The following ST6GALNAC3 variants were observed in gnomAD, a reference collection of about 807,000 sequenced individuals.
ST6GALNAC3 encodes the protein ST6 N-acetylgalactosaminide alpha-2,6-sialyltransferase 3, also known as alpha-N-acetylgalactosaminide alpha-2,6-sialyltransferase 3.
ST6GALNAC3 carries 25 observed loss-of-function variants against 32.7 expected under a neutral mutation model. The ratio of observed to expected loss-of-function variants is 0.76; its 90% CI spans 0.56 to 1.07. ST6GALNAC3 has a LOEUF of 1.07. ST6GALNAC3 is among the 50% of genes least tolerant of loss of function. ST6GALNAC3 has a pLI of 0.00. For missense variants in ST6GALNAC3, 355 were observed against 382.4 expected (o/e 0.93, Z 0.60); for synonymous variants, 129 against 133.1 (o/e 0.97, Z 0.21).
At chr1:76,166,571 A>C (rs1422292173) in intron 1 of ST6GALNAC3, among the ~76,000 whole-genome samples, 1 of 152,192 alleles carries the variant, frequency 6.6e-6, no homozygotes, top group African/African-American at 2.4e-5. Flanking sequence ...ATAGCATTGA[A>C]TCTATAAAAT....
chr1:76,435,154 GTTTC>G (rs1310267208), intron 3 of ST6GALNAC3, among the ~76,000 whole-genome samples: 1 of 151,868 alleles, frequency 6.6e-6, no homozygotes, highest in African/African-American at 2.4e-5. Context: ...CAACATCTGA[GTTTC>G]TTTATCTATA....
chr1:76,448,144 A>G (rs926453373), intron 3 of ST6GALNAC3, among the ~76,000 whole-genome samples: 1 of 152,204 alleles, frequency 6.6e-6, no homozygotes, highest in Non-Finnish European at 1.5e-5. Context: ...CACCTCTTGC[A>G]TCAGCGTGAC....
intron 3 of ST6GALNAC3, among the ~76,000 whole-genome samples, chr1:76,590,647 A>G (rs1183589162): frequency 1.3e-5 from 2 of 152,214 alleles, no homozygotes; most frequent in African/African-American, 2.4e-5. Context: ...TTAGGCATTC[A>G]ATGTGAATAA....
At chr1:76,599,174 C>T (rs1647181434) in intron 3 of ST6GALNAC3, among the ~76,000 whole-genome samples, 1 of 151,456 alleles carries the variant, frequency 6.6e-6, no homozygotes, top group Non-Finnish European at 1.5e-5. Context: ...AATAAATTCT[C>T]TCTTGTAATT....
chr1:76,117,809 T>C (rs781624032), intron 1 of ST6GALNAC3, among the ~76,000 whole-genome samples: 7 of 152,226 alleles, frequency 4.6e-5, no homozygotes, highest in African/African-American at 1.4e-4. Context: ...GATTCAGACC[T>C]GTGTGGGAAT....
chr1:76,595,517 A>C (rs1032905325), intron 3 of ST6GALNAC3, among the ~76,000 whole-genome samples: 1 of 152,228 alleles, frequency 6.6e-6, no homozygotes. Context: ...TTATATTCTA[A>C]GCTTAATCGA....
At chr1:76,240,581 C>A (rs1160207552) in intron 1 of ST6GALNAC3, among the ~76,000 whole-genome samples, 1 of 152,162 alleles carries the variant, frequency 6.6e-6, no homozygotes, top group East Asian at 1.9e-4. Flanking sequence ...ACAAGCAATT[C>A]TCTGTGTTCT....
chr1:76,450,116 G>A (rs1306645281), intron 3 of ST6GALNAC3, among the ~76,000 whole-genome samples: 2 of 152,146 alleles, frequency 1.3e-5, no homozygotes, highest in Admixed American at 6.5e-5. Flanking sequence ...TGGATCAAAT[G>A]GTAGTTCTAC....
chr1:76,305,238 G>C (rs1022088554), intron 1 of ST6GALNAC3, among the ~76,000 whole-genome samples: 1 of 152,074 alleles, frequency 6.6e-6, no homozygotes, highest in Admixed American at 6.6e-5. Flanking sequence ...GTGGGTGCTA[G>C]AATCATTGGT....
intron 2 of ST6GALNAC3, among the ~76,000 whole-genome samples, chr1:76,389,097 G>A (rs1400103784): frequency 1.4e-5 from 2 of 142,584 alleles, no homozygotes; most frequent in African/African-American, 5.2e-5. Flanking sequence ...CCTGCATTCT[G>A]TAAAAGGGAC....
At chr1:76,609,883 T>A (rs1049724431) in intron 3 of ST6GALNAC3, among the ~76,000 whole-genome samples, 1 of 152,174 alleles carries the variant, frequency 6.6e-6, no homozygotes, top group Non-Finnish European at 1.5e-5. Context: ...TATTAAATCA[T>A]CCTTGCACTC....
At chr1:76,281,344 G>T (rs1659488516) in intron 1 of ST6GALNAC3, among the ~76,000 whole-genome samples, 1 of 152,196 alleles carries the variant, frequency 6.6e-6, no homozygotes, top group African/African-American at 2.4e-5. Flanking sequence ...TAGTAAAGAG[G>T]TGAATGAATG....
chr1:76,321,286 T>C (rs1042026983), intron 2 of ST6GALNAC3, among the ~76,000 whole-genome samples: 10 of 152,114 alleles, frequency 6.6e-5, no homozygotes, highest in African/African-American at 2.4e-4. Flanking sequence ...TCAGTAGCTG[T>C]GTTCCCAAGA....
At chr1:76,303,642 C>G (rs1454233840) in intron 1 of ST6GALNAC3, among the ~76,000 whole-genome samples, 6 of 152,064 alleles carry the variant, frequency 3.9e-5, no homozygotes, top group Non-Finnish European at 7.4e-5. Flanking sequence ...ATAGGATACT[C>G]TTTTGTTATC....
At chr1:76,112,058 G>A (rs1258074370) in intron 1 of ST6GALNAC3, among the ~76,000 whole-genome samples, 1 of 148,490 alleles carries the variant, frequency 6.7e-6, no homozygotes, top group Non-Finnish European at 1.5e-5. Flanking sequence ...GAGGCTGGCC[G>A]GGCTGGGGGC....
chr1:76,508,600 G>A (rs906442206), intron 3 of ST6GALNAC3, among the ~76,000 whole-genome samples: 7 of 152,106 alleles, frequency 4.6e-5, no homozygotes, highest in Non-Finnish European at 1.0e-4. Flanking sequence ...TACAGCCCCA[G>A]TGTTGCTGAG....
intron 3 of ST6GALNAC3, among the ~76,000 whole-genome samples, chr1:76,532,000 G>C (rs920046900): frequency 3.3e-5 from 5 of 152,150 alleles, no homozygotes; most frequent in African/African-American, 9.7e-5. Context: ...GGAACAATGG[G>C]CCTTATGAAG....
At position 76,092,842 on chromosome 1, in the gene ST6GALNAC3, C is replaced by T. The variant is rs533908005; in HGVS notation, c.18+17958C>T. The stretch of plus-strand genomic sequence containing the variant: ...CAAACCCAGACTGCCTGGCGTCCAG[C>T]GTGACTGCCTGGCCTCCAGAGTGAT... On this transcript the variant is annotated intron_variant, in intron 1 of 4. Coordinates refer to ENST00000328299, the MANE Select transcript of ST6GALNAC3 (RefSeq NM_152996.4). Among the ~76,000 whole-genome samples, 7 of 152,220 alleles carry T rather than the reference C, an allele frequency of 4.6e-5. No homozygotes were observed. In the South Asian group the frequency reaches 1.0e-3, roughly 23 times the overall value.
intron 1 of ST6GALNAC3, among the ~76,000 whole-genome samples, chr1:76,181,784 A>T (rs1422735656): frequency 6.6e-6 from 1 of 152,216 alleles, no homozygotes; most frequent in Admixed American, 6.5e-5. Flanking sequence ...TAGTTCAAAT[A>T]TTACTGATGT....
Sources: gnomAD v4.1 joint callset for allele counts (sites outside exome capture counted in the v4.1 genomes callset) on GRCh38, gnomAD v4.1.1 for gene constraint, MANE v1.5 for transcripts, NCBI Gene and HGNC (gene_info 2026-07-23, HGNC 2026-07-21) for gene names.